Variants in SFI1 observed in about 807,000 individuals in gnomAD.
SFI1 encodes protein SFI1 homolog.
SFI1 carries 195 observed loss-of-function variants against 207.5 expected under a neutral mutation model. The ratio of observed to expected loss-of-function variants is 0.94; its 90% CI spans 0.84 to 1.06. The LOEUF (loss-of-function observed/expected upper bound fraction) is 1.06, where lower values mean the gene tolerates loss of function less well. Among genes scored for constraint, SFI1 ranks in the 50% least tolerant of loss-of-function variants. The probability of loss-of-function intolerance (pLI) is 0.00; values close to 1 mark genes in which losing one functional copy is unlikely to be tolerated. For synonymous variants in SFI1, 630 were observed against 598.9 expected (o/e 1.05, Z -0.76); for missense variants, 1,634 against 1,588.0 (o/e 1.03, Z -0.49).
Position 31,544,193 on chromosome 22 carries a change from AT to A in SFI1, c.339-2663del, listed in dbSNP as rs552489190. On this transcript the variant is annotated intron_variant, in intron 4 of 32. Transcript: ENST00000400288. ...GATATAGCAAGACTGTCTCAAAAAA[AT>A]TTTTAAAAAATCAGCACCATCTGTC... Among the ~76,000 whole-genome samples the A allele has an allele frequency of 7.9e-3, 1,203 of 152,248 alleles. 10 individuals carry two copies. Among genetic ancestry groups the A allele is most frequent in the Non-Finnish European group, 0.013 (880 of 68,022 alleles).
At chr22:31,551,153 T>C (rs1338656237) in intron 6 of SFI1, among the ~76,000 whole-genome samples, 1 of 152,192 alleles carries the variant, frequency 6.6e-6, no homozygotes, top group East Asian at 1.9e-4. Context: ...ATCTCCCTCA[T>C]TTATTTTTTC....
At chr22:31,496,792 T>C (rs1270301125) in intron 1 of SFI1, among the ~76,000 whole-genome samples, 155 bp downstream of exon 1, 2 of 152,164 alleles carry the variant, frequency 1.3e-5, no homozygotes, top group African/African-American at 4.8e-5. Flanking sequence ...GTTGTCTACC[T>C]GCGGGTCTGT....
At chr22:31,568,390 A>G (rs899688831) in intron 8 of SFI1, among the ~76,000 whole-genome samples, 7 of 150,996 alleles carry the variant, frequency 4.6e-5, no homozygotes, top group Admixed American at 1.3e-4. Flanking sequence ...TTAGCCGGGC[A>G]TGGTGGTGGT....
intron 12 of SFI1, among the ~76,000 whole-genome samples, 178 bp downstream of exon 12, chr22:31,580,542 CTTTTTTTTTTT>C (rs11347645): frequency 5.1e-5 from 6 of 117,286 alleles, no homozygotes; most frequent in South Asian, 5.8e-4. Flanking sequence ...CTTTTCTTTT[CTTTTTTTTTTT>C]TTTTTTTTTG....
intron 31 of SFI1, among the ~76,000 whole-genome samples, 174 bp downstream of exon 31, chr22:31,617,252 T>C (rs2071749497): frequency 6.6e-6 from 1 of 151,752 alleles, no homozygotes; most frequent in Non-Finnish European, 1.5e-5. Context: ...AAAGACCCCA[T>C]CTCCACCATG....
At chr22:31,609,658 C>T (rs1266629013) in intron 22 of SFI1, among the ~76,000 whole-genome samples, 2 of 152,242 alleles carry the variant, frequency 1.3e-5, no homozygotes, top group Non-Finnish European at 2.9e-5. Flanking sequence ...ATCCTGGGGA[C>T]AAAACCCTGG....
At chr22:31,574,809 C>A (rs1343009887) in intron 9 of SFI1, among the ~76,000 whole-genome samples, 4 of 152,106 alleles carry the variant, frequency 2.6e-5, no homozygotes, top group Admixed American at 2.6e-4. Flanking sequence ...GTAATCCCAG[C>A]ACTGTGAGAG....
intron 29 of SFI1, chr22:31,616,416 T>G: frequency 3.7e-6 from 1 of 269,518 alleles, no homozygotes; most frequent in Non-Finnish European, 7.0e-6. Flanking sequence ...CTCAGCAAGG[T>G]CATGAGCTTA....
chr22:31,615,021 C>T (rs1435863627), intron 28 of SFI1, 27 bp from the exon 29 acceptor site: 4 of 1,608,372 alleles, frequency 2.5e-6, no homozygotes, highest in Admixed American at 1.7e-5. Context: ...TGTGGCCTGA[C>T]CAGGCTCTTG....
chr22:31,550,407 T>C, intron 6 of SFI1, 59 bp downstream of exon 6: 1 of 1,332,540 alleles, frequency 7.5e-7, no homozygotes, highest in Non-Finnish European at 1.1e-6. Flanking sequence ...CAGAAGGTCA[T>C]AGGAAGGACA....
rs549202981 is a variant in SFI1 at position 31,589,151 on chromosome 22, G to A, written c.1414-296G>A. On this transcript the variant is annotated intron_variant, in intron 14 of 32. Transcript: ENST00000400288. ...GCTAACAGACAGTGAAACAGGTAAT[G>A]GGTATGAACACCTAAGCCAGGGGGA... Among the ~76,000 whole-genome samples, 5 of 152,208 alleles carry A rather than the reference G, an allele frequency of 3.3e-5. No homozygotes were observed. The South Asian group carries it at 8.3e-4, about 25-fold the overall frequency.
intron 5 of SFI1, among the ~76,000 whole-genome samples, chr22:31,548,794 G>A: frequency 6.6e-6 from 1 of 151,692 alleles, no homozygotes; most frequent in East Asian, 1.9e-4. Flanking sequence ...GGACGACAGA[G>A]TGAGACTCTG....
At chr22:31,596,426 C>T (rs1706817008) in intron 15 of SFI1, among the ~76,000 whole-genome samples, 1 of 152,126 alleles carries the variant, frequency 6.6e-6, no homozygotes, top group Non-Finnish European at 1.5e-5. Context: ...CTTGTCTCTT[C>T]TGGCTTCTGC....
intron 14 of SFI1, among the ~76,000 whole-genome samples, chr22:31,588,820 A>C (rs1015770531): frequency 3.3e-5 from 5 of 151,920 alleles, no homozygotes; most frequent in South Asian, 4.1e-4. Context: ...TCAAAAAAAA[A>C]AAAACAAAAA....
rs2069966937 is a variant in SFI1 at position 31,610,833 on chromosome 22, C to T, written c.2255-310C>T. 2.0e-5 allele frequency among the ~76,000 whole-genome samples: 3 copies of T among 152,214 alleles called. No individual in the cohort carries two copies. In the South Asian group the frequency reaches 6.2e-4, roughly 32 times the overall value. ...CTTCCACGTGCCCAGCAGCATTTTG[C>T]ACGTGACTCTTAGGGTGCCCCTGGC... On this transcript the variant is annotated intron_variant, in intron 22 of 32. Transcript: ENST00000400288.
intron 6 of SFI1, among the ~76,000 whole-genome samples, chr22:31,554,350 C>G (rs1201655170): frequency 6.6e-6 from 1 of 151,912 alleles, no homozygotes; most frequent in African/African-American, 2.4e-5. Flanking sequence ...GCTCTATTGC[C>G]CAGGCTGGAG....
intron 2 of SFI1, among the ~76,000 whole-genome samples, chr22:31,519,460 A>G (rs996725507): frequency 2.5e-4 from 37 of 149,196 alleles, no homozygotes; most frequent in Non-Finnish European, 4.7e-4. Flanking sequence ...TTTCCGAGAC[A>G]CAGTCTTGCT....
At chr22:31,523,532 G>T (rs1245470382) in intron 2 of SFI1, among the ~76,000 whole-genome samples, 2 of 152,156 alleles carry the variant, frequency 1.3e-5, no homozygotes, top group African/African-American at 2.4e-5. Flanking sequence ...AGAAATTCAG[G>T]TATCTGAATA....
intron 6 of SFI1, among the ~76,000 whole-genome samples, chr22:31,552,467 G>A (rs1338960688): frequency 6.6e-6 from 1 of 152,074 alleles, no homozygotes; most frequent in Non-Finnish European, 1.5e-5. Flanking sequence ...TGGCCAGGCT[G>A]GTCTCAAACT....
Sources: allele counts gnomAD v4.1 joint callset (sites outside exome capture counted in the v4.1 genomes callset), GRCh38; gene constraint gnomAD v4.1.1; transcripts MANE v1.5; gene names NCBI Gene and HGNC (gene_info 2026-07-23, HGNC 2026-07-21).